The following SCRN1 variants were observed in gnomAD, a reference collection of about 807,000 sequenced individuals.
The protein encoded by SCRN1 is secernin-1.
In SCRN1, 19 loss-of-function variants were observed where a neutral mutation model predicts 43.3. The observed-to-expected ratio is 0.44, with a 90% CI of 0.31 to 0.64. SCRN1 has a LOEUF of 0.64. Among genes scored for constraint, SCRN1 ranks in the 30% least tolerant of loss-of-function variants. The pLI is 0.09. For synonymous variants in SCRN1, 183 were observed against 188.9 expected (o/e 0.97, Z 0.26); for missense variants, 447 against 524.1 (o/e 0.85, Z 1.44).
intron 2 of SCRN1, among the ~76,000 whole-genome samples, chr7:29,955,928 G>T (rs1243984461): frequency 6.6e-6 from 1 of 152,160 alleles, no homozygotes; most frequent in Admixed American, 6.5e-5. Flanking sequence ...GGGATTTCCT[G>T]CCTGTCCCAT....
At chr7:29,957,824 T>C (rs1174470839) in intron 2 of SCRN1, among the ~76,000 whole-genome samples, 1 of 152,154 alleles carries the variant, frequency 6.6e-6, no homozygotes, top group African/African-American at 2.4e-5. Context: ...GGAAGGGGCA[T>C]GTGAAGGGTC....
At chr7:29,937,062 A>G (rs747088230) in intron 5 of SCRN1, among the ~76,000 whole-genome samples, 3 of 152,156 alleles carry the variant, frequency 2.0e-5, no homozygotes, top group African/African-American at 7.2e-5. Context: ...ACAAACAAAC[A>G]AAAAAGAGTA....
intron 3 of SCRN1, among the ~76,000 whole-genome samples, chr7:29,952,050 A>G (rs1787950303): frequency 6.6e-6 from 1 of 152,270 alleles, no homozygotes; most frequent in Non-Finnish European, 1.5e-5. Flanking sequence ...AAGCAAGGCC[A>G]GAGAAAGTAG....
chr7:29,923,349 G>T lies in SCRN1; in HGVS notation c.*608C>A, dbSNP rs573165436. The T allele has an allele frequency of 6.6e-6, 1 of 152,514 alleles. No individual in the cohort carries two copies. The highest frequency in any genetic ancestry group is 2.1e-4 in the South Asian group (1 of 4,832). The allele number at this position is 152,514 out of a possible 1,614,324, so 9.4% of individuals were successfully genotyped here. On this transcript the variant is annotated 3_prime_UTR_variant, in exon 8 of 8. Transcript: ENST00000242059. ...GAAAATGGGAAGACAGCTTCTTCAG[G>T]AGCCCAGGATGTAGGAAGGAGCCAG...
intron 6 of SCRN1, among the ~76,000 whole-genome samples, chr7:29,932,478 C>T (rs1443123263): frequency 1.3e-5 from 2 of 151,636 alleles, no homozygotes; most frequent in Non-Finnish European, 2.9e-5. Flanking sequence ...CATGGTGAAA[C>T]CCCGTCTCTA....
intron 6 of SCRN1, among the ~76,000 whole-genome samples, chr7:29,933,427 T>C (rs778997727): frequency 6.6e-6 from 1 of 152,154 alleles, no homozygotes; most frequent in African/African-American, 2.4e-5. Flanking sequence ...ACTCCGAATT[T>C]TACACTCTCA....
chr7:29,973,918 G>A (rs148358930), intron 1 of SCRN1, among the ~76,000 whole-genome samples: 4 of 152,206 alleles, frequency 2.6e-5, no homozygotes, highest in South Asian at 2.1e-4. Flanking sequence ...TACATCTATC[G>A]GGTAGAATAC....
chr7:29,987,827 T>C (rs767192417), intron 1 of SCRN1, among the ~76,000 whole-genome samples: 1 of 152,210 alleles, frequency 6.6e-6, no homozygotes, highest in African/African-American at 2.4e-5. Context: ...CAGCCAGATA[T>C]ATGATCTTGG....
intron 2 of SCRN1, among the ~76,000 whole-genome samples, chr7:29,957,961 G>A (rs950088612): frequency 6.6e-6 from 1 of 152,200 alleles, no homozygotes; most frequent in African/African-American, 2.4e-5. Flanking sequence ...GAATCAAAAA[G>A]ACCAGATGGT....
At chr7:29,973,028 C>T (rs1254667872) in intron 1 of SCRN1, among the ~76,000 whole-genome samples, 1 of 152,196 alleles carries the variant, frequency 6.6e-6, no homozygotes, top group Non-Finnish European at 1.5e-5. Context: ...CCAGTGATCT[C>T]AGAAGTTCTT....
intron 3 of SCRN1, among the ~76,000 whole-genome samples, chr7:29,948,104 G>A (rs1787794329): frequency 6.6e-6 from 1 of 152,230 alleles, no homozygotes; most frequent in African/African-American, 2.4e-5. Flanking sequence ...GGGAAAGAGC[G>A]TGTGAAACTT....
At chr7:29,936,083 T>C (rs995572523) in intron 6 of SCRN1, among the ~76,000 whole-genome samples, 4 of 152,218 alleles carry the variant, frequency 2.6e-5, no homozygotes, top group Non-Finnish European at 5.9e-5. Context: ...GCCAGTACAC[T>C]TGAAGTTGCT....
intron 6 of SCRN1, among the ~76,000 whole-genome samples, chr7:29,932,785 C>A (rs943109398): frequency 5.3e-5 from 8 of 151,910 alleles, no homozygotes; most frequent in Middle Eastern, 3.2e-3. Flanking sequence ...CAGCACCCTG[C>A]CACTACTTAA....
chr7:29,932,722 A>G (rs1787201927), intron 6 of SCRN1, among the ~76,000 whole-genome samples: 1 of 150,460 alleles, frequency 6.6e-6, no homozygotes, highest in African/African-American at 2.4e-5. Context: ...CAAAAGACAC[A>G]CAGACATACA....
chr7:29,946,930 G>C (rs1235621473), intron 3 of SCRN1, among the ~76,000 whole-genome samples: 1 of 152,232 alleles, frequency 6.6e-6, no homozygotes, highest in Non-Finnish European at 1.5e-5. Flanking sequence ...GGGGCCACAA[G>C]TCACATGGCA....
chr7:29,964,940 T>A (rs755132549), intron 2 of SCRN1, among the ~76,000 whole-genome samples: 1 of 147,970 alleles, frequency 6.8e-6, no homozygotes, highest in Non-Finnish European at 1.5e-5. Context: ...AGACTCTGTC[T>A]CAAAAAACAA....
In SCRN1 at chr7:29,936,539, C is replaced by T. The variant is rs1270499375; in HGVS notation, c.905+17G>A. ...AAGCACTTATGTTCTGCCTACGTGACCAGGCCTCGGACAAACCTGGAAGGA... is the reference window on the plus strand; with the variant it reads ...AAGCACTTATGTTCTGCCTACGTGATCAGGCCTCGGACAAACCTGGAAGGA... On this transcript the variant is annotated intron_variant, in intron 6 of 7. Transcript: ENST00000242059. 1 of 1,544,376 alleles carries T rather than the reference C, an allele frequency of 6.5e-7. No individual in the cohort carries two copies. Among genetic ancestry groups the T allele is most frequent in the Admixed American group, 1.8e-5 (1 of 56,612 alleles).
chr7:29,953,359 T>C (rs1788020727), intron 3 of SCRN1, among the ~76,000 whole-genome samples: 1 of 152,224 alleles, frequency 6.6e-6, no homozygotes, highest in Non-Finnish European at 1.5e-5. Flanking sequence ...TAAACTCCTG[T>C]TGCTTTATTG....
chr7:29,982,237 G>C (rs546628201), intron 1 of SCRN1, among the ~76,000 whole-genome samples: 1 of 152,252 alleles, frequency 6.6e-6, no homozygotes, highest in East Asian at 1.9e-4. Flanking sequence ...ATCTAAAATT[G>C]TATGTTAGAA....
Sources: gnomAD v4.1 joint callset for allele counts (sites outside exome capture counted in the v4.1 genomes callset) on GRCh38, gnomAD v4.1.1 for gene constraint, MANE v1.5 for transcripts, NCBI Gene and HGNC (gene_info 2026-07-23, HGNC 2026-07-21) for gene names.